The following HCN1 variants were observed in gnomAD, a reference collection of about 807,000 sequenced individuals.
HCN1 encodes the protein hyperpolarization activated cyclic nucleotide gated potassium channel 1, also known as potassium/sodium hyperpolarization-activated cyclic nucleotide-gated channel 1.
A neutral mutation model predicts 78.9 loss-of-function variants in HCN1; 13 were observed. The ratio of observed to expected loss-of-function variants is 0.16; its 90% CI spans 0.11 to 0.26. The LOEUF (loss-of-function observed/expected upper bound fraction) is 0.26, where lower values mean the gene tolerates loss of function less well. HCN1 is among the 10% of genes least tolerant of loss of function. The pLI is 1.00. For synonymous variants in HCN1, 552 were observed against 455.5 expected (o/e 1.21, Z -2.70); for missense variants, 810 against 1,154.3 (o/e 0.70, Z 4.32).
chr5:45,400,545 C>G lies in HCN1; in HGVS notation c.1012-3835G>C, dbSNP rs149612651. 1.7e-3 allele frequency among the ~76,000 whole-genome samples: 264 copies of G among 151,742 alleles called. 1 individual carries two copies. The highest frequency in any genetic ancestry group is 6.2e-3 in the African/African-American group (255 of 41,388). The stretch of plus-strand genomic sequence containing the variant: ...TCCCGAGTAGCTGGGATTAGTACCA[C>G]CATGCCCAGCTAATTTTGCATTTTT... On this transcript the variant is annotated intron_variant, in intron 3 of 7. Coordinates refer to ENST00000303230, the MANE Select transcript of HCN1 (RefSeq NM_021072.4).
intron 5 of HCN1, among the ~76,000 whole-genome samples, chr5:45,316,837 C>T (rs1377195986): frequency 1.3e-5 from 2 of 152,020 alleles, no homozygotes; most frequent in Non-Finnish European, 1.5e-5. Flanking sequence ...GAATAAAATA[C>T]CTAGGAATCC....
chr5:45,363,755 G>T (rs1747172972), intron 4 of HCN1, among the ~76,000 whole-genome samples: 1 of 151,942 alleles, frequency 6.6e-6, no homozygotes, highest in Non-Finnish European at 1.5e-5. Context: ...TTTATCAGGG[G>T]TTTCCGCTTT....
chr5:45,612,215 T>A (rs1744852311), intron 2 of HCN1, among the ~76,000 whole-genome samples: 1 of 152,174 alleles, frequency 6.6e-6, no homozygotes, highest in African/African-American at 2.4e-5. Flanking sequence ...GTTTCTATTT[T>A]CAAGTACTAG....
At chr5:45,351,987 G>A (rs1746914368) in intron 5 of HCN1, among the ~76,000 whole-genome samples, 2 of 152,146 alleles carry the variant, frequency 1.3e-5, no homozygotes, top group Admixed American at 6.5e-5. Context: ...CAGGGATCTA[G>A]AACTAGAAAT....
chr5:45,352,511 A>T (rs1006481882), intron 5 of HCN1, among the ~76,000 whole-genome samples: 1 of 152,094 alleles, frequency 6.6e-6, no homozygotes, highest in Non-Finnish European at 1.5e-5. Context: ...GTACCCTAAA[A>T]CTTAAAGTAT....
At chr5:45,403,201 A>G (rs1182567924) in intron 3 of HCN1, among the ~76,000 whole-genome samples, 1 of 152,112 alleles carries the variant, frequency 6.6e-6, no homozygotes, top group East Asian at 1.9e-4. Flanking sequence ...GAACCATAAC[A>G]AAGGAAAGTG....
intron 4 of HCN1, among the ~76,000 whole-genome samples, chr5:45,390,059 C>T (rs1049431910): frequency 6.6e-5 from 10 of 152,142 alleles, no homozygotes; most frequent in Non-Finnish European, 1.0e-4. Context: ...ACATCTCTAC[C>T]TCAGGGCCTT....
chr5:45,547,492 A>T (rs951909215), intron 2 of HCN1, among the ~76,000 whole-genome samples: 1 of 151,950 alleles, frequency 6.6e-6, no homozygotes, highest in Non-Finnish European at 1.5e-5. Context: ...AGATCAAATT[A>T]GCAGTCACCC....
intron 2 of HCN1, among the ~76,000 whole-genome samples, chr5:45,536,585 C>T (rs1047698018): frequency 7.2e-5 from 11 of 151,880 alleles, no homozygotes; most frequent in African/African-American, 2.7e-4. Context: ...CATTATATTC[C>T]TTTTTCCCAT....
intron 2 of HCN1, among the ~76,000 whole-genome samples, chr5:45,606,526 C>A (rs115582497): frequency 0.016 from 2,464 of 151,792 alleles, 63 homozygotes; most frequent in African/African-American, 0.057. Context: ...AAGCACAGGG[C>A]TTTCAAGCAG....
chr5:45,433,468 G>A lies in HCN1; in HGVS notation c.1011+28378C>T, dbSNP rs144385268. ...CTTTTACTTTGAGTCTCTGGGTATC[G>A]CTGCACACGAGATGGGTCTCCTGAA... On this transcript the variant is annotated intron_variant, in intron 3 of 7. Transcript: ENST00000303230. 5.3e-5 allele frequency among the ~76,000 whole-genome samples: 8 copies of A among 151,022 alleles called. No homozygotes were observed. In the South Asian group the frequency reaches 6.3e-4, roughly 12 times the overall value.
At chr5:45,366,789 G>A (rs979002161) in intron 4 of HCN1, among the ~76,000 whole-genome samples, 8 of 151,578 alleles carry the variant, frequency 5.3e-5, no homozygotes, top group African/African-American at 1.9e-4. Flanking sequence ...TTTCAAAAGC[G>A]AAAAATTCTA....
At chr5:45,586,441 G>A (rs1485464736) in intron 2 of HCN1, among the ~76,000 whole-genome samples, 1 of 152,110 alleles carries the variant, frequency 6.6e-6, no homozygotes, top group African/African-American at 2.4e-5. Flanking sequence ...CTGTGACTAG[G>A]AAAGGGAATT....
chr5:45,351,135 T>G (rs988196461), intron 5 of HCN1, among the ~76,000 whole-genome samples: 29 of 151,936 alleles, frequency 1.9e-4, no homozygotes, highest in African/African-American at 4.1e-4. Flanking sequence ...ATACTACAAG[T>G]CTACAGTAAC....
chr5:45,554,818 T>C (rs1743440216), intron 2 of HCN1, among the ~76,000 whole-genome samples: 1 of 151,870 alleles, frequency 6.6e-6, no homozygotes, highest in Non-Finnish European at 1.5e-5. Context: ...CTTTCTTCTG[T>C]ATTAAAGAAG....
chr5:45,329,933 A>G (rs1746311959), intron 5 of HCN1, among the ~76,000 whole-genome samples: 1 of 151,398 alleles, frequency 6.6e-6, no homozygotes, highest in Non-Finnish European at 1.5e-5. Flanking sequence ...TGGGGCAGTC[A>G]AGGAGATTCC....
chr5:45,272,622 C>A (rs1419460433), intron 6 of HCN1, among the ~76,000 whole-genome samples: 2 of 152,034 alleles, frequency 1.3e-5, no homozygotes, highest in Non-Finnish European at 2.9e-5. Context: ...AATATTGGTT[C>A]ACCTGTTAGG....
intron 1 of HCN1, among the ~76,000 whole-genome samples, chr5:45,663,887 G>A (rs1384412814): frequency 6.9e-6 from 1 of 144,550 alleles, no homozygotes; most frequent in African/African-American, 2.6e-5. Flanking sequence ...AACCATTGTG[G>A]AAGTCAGTGT....
At position 45,261,574 on chromosome 5, in the gene HCN1, A is replaced by G. The variant is rs906674351; in HGVS notation, c.*347T>C. 1 of 168,924 alleles carries G rather than the reference A, an allele frequency of 5.9e-6. No homozygotes were observed. Among genetic ancestry groups the G allele is most frequent in the African/African-American group, 2.4e-5 (1 of 41,628 alleles). The allele number at this position is 168,924 out of a possible 1,614,324, so 10.5% of individuals were successfully genotyped here. A position where few individuals can be genotyped will look rare whatever the true frequency, so the allele number is the denominator to read the frequency against. ...AATCAGTTTTGTTTCCATTGAATCC[A>G]AGAACTCTTCATAAAATAGAGAAAT... On this transcript the variant is annotated 3_prime_UTR_variant, in exon 8 of 8. Transcript: ENST00000303230.
Sources: gnomAD v4.1 joint callset for allele counts (sites outside exome capture counted in the v4.1 genomes callset) on GRCh38, gnomAD v4.1.1 for gene constraint, MANE v1.5 for transcripts, NCBI Gene and HGNC (gene_info 2026-07-23, HGNC 2026-07-21) for gene names.